Variants in CUL1 observed in about 807,000 individuals in gnomAD.
The protein encoded by CUL1 is cullin 1.
A neutral mutation model predicts 118.0 loss-of-function variants in CUL1; 24 were observed. That is an observed-to-expected ratio of 0.20 (90% CI 0.15 to 0.29). CUL1 has a LOEUF of 0.29. CUL1 is among the 10% of genes least tolerant of loss of function. The probability of loss-of-function intolerance (pLI) is 1.00; values close to 1 mark genes in which losing one functional copy is unlikely to be tolerated. For synonymous variants in CUL1, 332 were observed against 340.4 expected, an observed-to-expected ratio of 0.98 and a Z score of 0.27; for missense variants, 361 against 933.8, an observed-to-expected ratio of 0.39 and a Z score of 7.99.
At chr7:148,715,612 A>C (rs7789989) in intron 1 of CUL1, among the ~76,000 whole-genome samples, 1,647 of 152,246 alleles carry the variant, frequency 0.011, 29 homozygotes, top group African/African-American at 0.037. Context: ...TTTAAGCACA[A>C]AATTTTAGTC....
At position 148,769,020 on chromosome 7, in the gene CUL1, A is replaced by G. The variant is rs187032966; in HGVS notation, c.1083+1271A>G. Among the ~76,000 whole-genome samples the G allele has an allele frequency of 1.2e-4, 19 of 152,228 alleles. No homozygotes were observed. The East Asian group carries it at 3.3e-3, about 26-fold the overall frequency. On this transcript the variant is annotated intron_variant, in intron 9 of 21. Coordinates refer to ENST00000325222, the MANE Select transcript of CUL1 (RefSeq NM_003592.3). ...ATCTCTAGGTTTTAGTAAAAACTTA[A>G]GTACAGAGTCCTCAGTGTCGGCACA...
At chr7:148,796,370 G>GT (rs1801200657) in intron 17 of CUL1, among the ~76,000 whole-genome samples, 1 of 152,098 alleles carries the variant, frequency 6.6e-6, no homozygotes, top group Non-Finnish European at 1.5e-5. Context: ...TAGCTTGCCG[G>GT]TATTTTCTCG....
At chr7:148,704,299 G>A (rs1797814907) in intron 1 of CUL1, among the ~76,000 whole-genome samples, 4 of 151,844 alleles carry the variant, frequency 2.6e-5, no homozygotes. Flanking sequence ...TTTTTTAATT[G>A]GCGTAGATTA....
At position 148,766,294 on chromosome 7, in the gene CUL1, GC is replaced by G. The variant is rs1800002565; in HGVS notation, c.790-266del. The stretch of plus-strand genomic sequence containing the variant: ...GGACTACAGGCGCGTGCCACACCTG[GC>G]TAATTTTTTTTTTAGAGACAGGGTC... On this transcript the variant is annotated intron_variant, in intron 7 of 21. Transcript: ENST00000325222. Among the ~76,000 whole-genome samples the G allele has an allele frequency of 3.9e-5, 6 of 152,000 alleles. No individual in the cohort carries two copies. The South Asian group carries it at 1.2e-3, about 32-fold the overall frequency.
chr7:148,786,590 C>T lies in CUL1; in HGVS notation c.1338C>T (p.Leu446=). 1 of 1,613,646 alleles carries T rather than the reference C, an allele frequency of 6.2e-7. No individual in the cohort carries two copies. Among genetic ancestry groups the T allele is most frequent in the Non-Finnish European group, 8.5e-7 (1 of 1,179,728 alleles). The change falls in exon 12 of 22, where the codon CTC becomes CTT. Residue 446 remains leucine (L), a synonymous_variant. Transcript: ENST00000325222. ...NPEEAELEDT[L]NQVMVVFKYI... The stretch of plus-strand genomic sequence containing the variant: ...AGGAGGCAGAACTAGAAGACACACT[C>T]AATCAAGTGGTAAGTGCTTCATGAG...
chr7:148,796,886 TAG>T (rs1801218458), intron 17 of CUL1, among the ~76,000 whole-genome samples: 1 of 152,164 alleles, frequency 6.6e-6, no homozygotes, highest in African/African-American at 2.4e-5. Flanking sequence ...GTTACTAGAC[TAG>T]AGAGAGGCCT....
chr7:148,794,077 A>G (rs1251458686), intron 17 of CUL1, among the ~76,000 whole-genome samples: 1 of 151,592 alleles, frequency 6.6e-6, no homozygotes, highest in African/African-American at 2.4e-5. Context: ...TTCTTTGCCC[A>G]TTTTTCAGTT....
chr7:148,742,347 C>G (rs565777168), intron 2 of CUL1, among the ~76,000 whole-genome samples: 3 of 152,174 alleles, frequency 2.0e-5, no homozygotes, highest in African/African-American at 7.2e-5. Context: ...TCTTACATGG[C>G]AGTAGGCAAG....
chr7:148,728,508 TA>T, intron 1 of CUL1, among the ~76,000 whole-genome samples: 1 of 152,294 alleles, frequency 6.6e-6, no homozygotes, highest in Non-Finnish European at 1.5e-5. Flanking sequence ...GGTGTGCTGT[TA>T]ACCCTCCCCA....
rs951109039 is a variant in CUL1, at chr7:148,797,920, C to T, written c.1948-17C>T. On this transcript the variant is annotated splice_polypyrimidine_tract_variant and intron_variant, in intron 18 of 21. Coordinates refer to ENST00000325222, the MANE Select transcript of CUL1 (RefSeq NM_003592.3). The stretch of plus-strand genomic sequence containing the variant: ...GCCTTTTCCTGAGATTGTAGAGTAA[C>T]AATTGTTTTCTTACAGGTCTTGGAA... The T allele has an allele frequency of 6.2e-7, 1 of 1,610,736 alleles. No homozygotes were observed. Among genetic ancestry groups the T allele is most frequent in the African/African-American group, 1.3e-5 (1 of 74,764 alleles).
intron 1 of CUL1, among the ~76,000 whole-genome samples, chr7:148,710,652 C>T (rs1484486813): frequency 1.3e-5 from 2 of 152,050 alleles, no homozygotes; most frequent in Non-Finnish European, 2.9e-5. Context: ...ACAGGTTTTA[C>T]CACATTTTCT....
intron 2 of CUL1, among the ~76,000 whole-genome samples, chr7:148,748,869 A>C (rs1799388457): frequency 6.6e-6 from 1 of 152,214 alleles, no homozygotes; most frequent in East Asian, 1.9e-4. Flanking sequence ...ACATTTTGGA[A>C]ATCTAAACTG....
chr7:148,726,480 A>G (rs1003361191), intron 1 of CUL1, among the ~76,000 whole-genome samples: 3 of 152,196 alleles, frequency 2.0e-5, no homozygotes, highest in Non-Finnish European at 2.9e-5. Context: ...CTTTAAAGCT[A>G]TCGGCTCTTT....
At chr7:148,726,500 A>G (rs960082328) in intron 1 of CUL1, among the ~76,000 whole-genome samples, 1 of 152,112 alleles carries the variant, frequency 6.6e-6, no homozygotes, top group African/African-American at 2.4e-5. Flanking sequence ...TTAATTGGAG[A>G]TGTTGAGGTT....
chr7:148,729,030 C>T (rs969849080), intron 1 of CUL1, among the ~76,000 whole-genome samples: 11 of 152,270 alleles, frequency 7.2e-5, no homozygotes, highest in South Asian at 2.1e-4. Context: ...AAAACCTTTA[C>T]GTTTTGATGT....
In CUL1 at chr7:148,786,548, C is replaced by T; in HGVS notation, c.1299-3C>T. The T allele has an allele frequency of 1.2e-6, 2 of 1,612,610 alleles. No individual in the cohort carries two copies. The highest frequency in any genetic ancestry group is 4.5e-5 in the East Asian group (2 of 44,848). On this transcript the variant is annotated splice_polypyrimidine_tract_variant and splice_region_variant and intron_variant, in intron 11 of 21. Coordinates refer to ENST00000325222, the MANE Select transcript of CUL1 (RefSeq NM_003592.3). ...AAACATGGTATCTTTTTAAAATTTT[C>T]AGTTCCAAGAACCCAGAGGAGGCAG...
chr7:148,705,391 C>T (rs1797848790), intron 1 of CUL1, among the ~76,000 whole-genome samples: 2 of 152,132 alleles, frequency 1.3e-5, no homozygotes, highest in Admixed American at 6.5e-5. Flanking sequence ...GGTCTAGTTT[C>T]TGCAGTAGCT....
chr7:148,707,201 A>G (rs1797912138), intron 1 of CUL1, among the ~76,000 whole-genome samples: 1 of 152,142 alleles, frequency 6.6e-6, no homozygotes, highest in African/African-American at 2.4e-5. Context: ...GAGATTTGAT[A>G]TGGAGTGAAT....
intron 9 of CUL1, among the ~76,000 whole-genome samples, chr7:148,773,686 G>A (rs988441226): frequency 6.6e-6 from 1 of 152,172 alleles, no homozygotes; most frequent in Non-Finnish European, 1.5e-5. Flanking sequence ...ACTCACCATT[G>A]TGTAAATTTG....
Sources: allele counts gnomAD v4.1 joint callset (sites outside exome capture counted in the v4.1 genomes callset), GRCh38; gene constraint gnomAD v4.1.1; transcripts MANE v1.5; gene names NCBI Gene and HGNC (gene_info 2026-07-23, HGNC 2026-07-21).